The following MMP16 variants were observed in gnomAD, a reference collection of about 807,000 sequenced individuals.
MMP16 encodes matrix metalloproteinase-16.
In MMP16, 12 loss-of-function variants were observed where a neutral mutation model predicts 67.8. The ratio of observed to expected loss-of-function variants is 0.18; its 90% confidence interval spans 0.11 to 0.29. The LOEUF (loss-of-function observed/expected upper bound fraction) is 0.29. MMP16 is among the 10% of genes least tolerant of loss of function. The pLI is 1.00. For missense variants in MMP16, 475 were observed against 765.7 expected, an observed-to-expected ratio of 0.62 and a Z score of 4.48; for synonymous variants, 249 against 255.9, an observed-to-expected ratio of 0.97 and a Z score of 0.26.
chr8:88,106,908 G>T (rs888994161), intron 6 of MMP16, among the ~76,000 whole-genome samples: 1 of 150,958 alleles, frequency 6.6e-6, no homozygotes, highest in Admixed American at 6.6e-5. Context: ...TATATTAAAT[G>T]TTATTAAATC....
chr8:88,287,384 C>A (rs1810848988), intron 1 of MMP16, among the ~76,000 whole-genome samples: 1 of 152,200 alleles, frequency 6.6e-6, no homozygotes, highest in Non-Finnish European at 1.5e-5. Flanking sequence ...GAAGGCAAAT[C>A]AAATGTCACT....
chr8:88,212,109 T>C (rs2129820646), intron 1 of MMP16, among the ~76,000 whole-genome samples: 1 of 152,270 alleles, frequency 6.6e-6, no homozygotes. Context: ...TCTCTTTCCT[T>C]ATCTGTGTTT....
At chr8:88,100,727 C>T (rs1396357874) in intron 6 of MMP16, among the ~76,000 whole-genome samples, 5 of 151,920 alleles carry the variant, frequency 3.3e-5, no homozygotes, top group African/African-American at 4.8e-5. Flanking sequence ...GGAACCAACC[C>T]GAATGTCCAT....
At chr8:88,236,413 A>G (rs1428679864) in intron 1 of MMP16, among the ~76,000 whole-genome samples, 2 of 152,174 alleles carry the variant, frequency 1.3e-5, no homozygotes, top group African/African-American at 4.8e-5. Context: ...GCTGGTGGCA[A>G]TAATCAGGAT....
At chr8:88,262,229 G>A (rs938475628) in intron 1 of MMP16, among the ~76,000 whole-genome samples, 6 of 152,120 alleles carry the variant, frequency 3.9e-5, no homozygotes, top group Non-Finnish European at 8.8e-5. Context: ...GAAAAGTGTG[G>A]GCACAGGAAA....
At chr8:88,319,810 G>C (rs920911528) in intron 1 of MMP16, among the ~76,000 whole-genome samples, 2 of 152,078 alleles carry the variant, frequency 1.3e-5, no homozygotes, top group African/African-American at 4.8e-5. Context: ...AATACTATAA[G>C]ATTCCGTTTC....
intron 6 of MMP16, among the ~76,000 whole-genome samples, chr8:88,090,373 T>A (rs529269163): frequency 4.6e-5 from 7 of 152,104 alleles, no homozygotes; most frequent in Admixed American, 4.6e-4. Flanking sequence ...AAGGAATGAA[T>A]CATTTTGCTT....
intron 6 of MMP16, among the ~76,000 whole-genome samples, chr8:88,091,101 A>T (rs1808926912): frequency 6.6e-6 from 1 of 151,776 alleles, no homozygotes; most frequent in South Asian, 2.1e-4. Flanking sequence ...CAATCACCAT[A>T]ATTAAATCAT....
chr8:88,139,140 A>T (rs1808170144), intron 4 of MMP16, among the ~76,000 whole-genome samples: 2 of 152,132 alleles, frequency 1.3e-5, no homozygotes, highest in Admixed American at 1.3e-4. Flanking sequence ...CATTTGCATT[A>T]TCTTTTTCTG....
rs398008661 is a variant in MMP16 at position 88,265,223 on chromosome 8, C to CTTTTTTTTTTTTTTTTTTTT, written c.132+61832_132+61851dup. On this transcript the variant is annotated intron_variant, in intron 1 of 9. Transcript: ENST00000286614. ...AACTAAGGGTAGAAATGACCATTTC[C>CTTTTTTTTTTTTTTTTTTTT]TTTTTTTTTTTTTTTTTTTTCAGAT... 2.6e-3 allele frequency among the ~76,000 whole-genome samples: 260 copies of CTTTTTTTTTTTTTTTTTTTT among 100,756 alleles called. 29 individuals carry two copies. The highest frequency in any genetic ancestry group is 3.1e-3 in the African/African-American group (76 of 24,896). 66.1% of individuals were successfully genotyped at this position (100,756 alleles called of 152,430 possible). A position where few individuals can be genotyped will look rare whatever the true frequency, so the allele number is the denominator to read the frequency against.
chr8:88,056,042 C>T, intron 8 of MMP16, 86 bp downstream of exon 8: 1 of 1,084,832 alleles, frequency 9.2e-7, no homozygotes. Flanking sequence ...GATTCTTCAA[C>T]AGCTGATGCC....
intron 2 of MMP16, among the ~76,000 whole-genome samples, 189 bp downstream of exon 2, chr8:88,196,969 C>A (rs1391464779): frequency 7.9e-5 from 12 of 152,088 alleles, no homozygotes; most frequent in Admixed American, 1.3e-4. Flanking sequence ...GGTAAGCAAA[C>A]CTGACATTGG....
At chr8:88,129,718 T>C (rs1258872910) in intron 4 of MMP16, among the ~76,000 whole-genome samples, 1 of 151,660 alleles carries the variant, frequency 6.6e-6, no homozygotes, top group East Asian at 1.9e-4. Context: ...ATAGCAAAAC[T>C]AGACCAAAAT....
chr8:88,282,554 T>G (rs1741255539), intron 1 of MMP16, among the ~76,000 whole-genome samples: 1 of 152,208 alleles, frequency 6.6e-6, no homozygotes, highest in African/African-American at 2.4e-5. Flanking sequence ...TTCTTTCTCT[T>G]TCCTAATTAC....
chr8:88,239,737 T>C (rs1049817251), intron 1 of MMP16, among the ~76,000 whole-genome samples: 2 of 152,226 alleles, frequency 1.3e-5, no homozygotes, highest in African/African-American at 2.4e-5. Context: ...CTTTTGGAGC[T>C]ATTTTAACTG....
intron 7 of MMP16, among the ~76,000 whole-genome samples, chr8:88,071,046 A>G (rs1372242082): frequency 6.6e-6 from 1 of 152,092 alleles, no homozygotes; most frequent in Non-Finnish European, 1.5e-5. Flanking sequence ...GACAAGTTTT[A>G]TGTTTTCATA....
rs1159389396 is a variant in MMP16 at position 88,167,984 on chromosome 8, G to C, written c.405-11C>G. The C allele has an allele frequency of 6.3e-7, 1 of 1,588,772 alleles. No individual in the cohort carries two copies. The highest frequency in any genetic ancestry group is 2.2e-5 in the East Asian group (1 of 44,648). On this transcript the variant is annotated splice_polypyrimidine_tract_variant and intron_variant, in intron 3 of 9. Transcript: ENST00000286614. The stretch of plus-strand genomic sequence containing the variant: ...GTTACGTTCTTTATACTGAAAGTTA[G>C]AAAATATAATCATCAGTATTGTTAT...
chr8:88,195,411 T>C (rs973161779), intron 2 of MMP16, among the ~76,000 whole-genome samples: 4 of 152,188 alleles, frequency 2.6e-5, no homozygotes, highest in Non-Finnish European at 5.9e-5. Context: ...TTTGTATTTT[T>C]ATGAATTGCG....
intron 6 of MMP16, among the ~76,000 whole-genome samples, chr8:88,108,467 T>C (rs1809280401): frequency 6.6e-6 from 1 of 151,292 alleles, no homozygotes; most frequent in South Asian, 2.1e-4. Context: ...ATTTGTCTAT[T>C]TTCCCTGACA....
Sources: allele counts gnomAD v4.1 joint callset (sites outside exome capture counted in the v4.1 genomes callset), GRCh38; gene constraint gnomAD v4.1.1; transcripts MANE v1.5; gene names NCBI Gene and HGNC (gene_info 2026-07-23, HGNC 2026-07-21).